CCNJL: variants seen among roughly 807,000 people sequenced by gnomAD.
CCNJL encodes the protein cyclin J like.
CCNJL carries 33 observed loss-of-function variants against 33.4 expected under a neutral mutation model. The observed-to-expected ratio is 0.99, with a 90% CI of 0.75 to 1.32. The LOEUF is 1.32. Ranked by LOEUF, CCNJL falls within the 40% of genes most tolerant of loss-of-function variation. The probability of loss-of-function intolerance (pLI) is 0.00; values close to 1 mark genes in which losing one functional copy is unlikely to be tolerated. For synonymous variants in CCNJL, 227 were observed against 220.9 expected, an observed-to-expected ratio of 1.03 and a Z score of -0.24; for missense variants, 512 against 499.7, an observed-to-expected ratio of 1.02 and a Z score of -0.23.
intron 2 of CCNJL, among the ~76,000 whole-genome samples, chr5:160,289,705 C>A (rs11949221): frequency 0.14 from 21,939 of 152,100 alleles, 3,079 homozygotes; most frequent in African/African-American, 0.36. Flanking sequence ...AAAGCCCCAA[C>A]CTAAGCTACA....
At chr5:160,272,996 A>G (rs114236496) in intron 3 of CCNJL, among the ~76,000 whole-genome samples, 3,208 of 152,364 alleles carry the variant, frequency 0.021, 107 homozygotes, top group African/African-American at 0.073. Context: ...TTTGCAGTCA[A>G]TAAAAAGAGT....
chr5:160,264,276 T>C (rs1439395565), intron 3 of CCNJL, among the ~76,000 whole-genome samples: 1 of 152,146 alleles, frequency 6.6e-6, no homozygotes, highest in African/African-American at 2.4e-5. Flanking sequence ...AGTGAAGCAC[T>C]TCTCTGGCTC....
At chr5:160,336,807 T>G (rs761119847) in intron 1 of CCNJL, among the ~76,000 whole-genome samples, 1 of 152,146 alleles carries the variant, frequency 6.6e-6, no homozygotes, top group African/African-American at 2.4e-5. Flanking sequence ...TTTATGTCAG[T>G]GTTGACCCTT....
intron 1 of CCNJL, among the ~76,000 whole-genome samples, chr5:160,334,411 T>C (rs978589541): frequency 2.0e-5 from 3 of 152,392 alleles, no homozygotes; most frequent in East Asian, 1.9e-4. Context: ...TCCATGCCGA[T>C]GGCCTCACTT....
At chr5:160,309,593 C>A (rs1191608836) in intron 2 of CCNJL, among the ~76,000 whole-genome samples, 1 of 152,198 alleles carries the variant, frequency 6.6e-6, no homozygotes, top group Non-Finnish European at 1.5e-5. Context: ...AAACAAAATG[C>A]CAGCCCTCAT....
intron 1 of CCNJL, among the ~76,000 whole-genome samples, chr5:160,319,669 G>A (rs1199768952): frequency 6.6e-6 from 1 of 152,178 alleles, no homozygotes; most frequent in Non-Finnish European, 1.5e-5. Flanking sequence ...AGTGACTCAA[G>A]TCTGGAATCC....
rs115620770 is a variant in CCNJL, at chr5:160,268,878, G to A, written c.281-9107C>T. 9.8e-3 allele frequency among the ~76,000 whole-genome samples: 1,489 copies of A among 152,276 alleles called. 26 individuals carry two copies. Among genetic ancestry groups the A allele is most frequent in the African/African-American group, 0.033 (1,382 of 41,536 alleles). Reference sequence around the variant, plus strand: ...TGGCTGAGCTTCCTTTCTCCCTCAGGAAATCAAGAAAAAGCTCTCTTCTTC... The same window carrying A: ...TGGCTGAGCTTCCTTTCTCCCTCAGAAAATCAAGAAAAAGCTCTCTTCTTC... On this transcript the variant is annotated intron_variant, in intron 3 of 5. Transcript: ENST00000257536.
At chr5:160,256,166 G>A (rs973474437) in intron 4 of CCNJL, among the ~76,000 whole-genome samples, 1 of 152,178 alleles carries the variant, frequency 6.6e-6, no homozygotes, top group Non-Finnish European at 1.5e-5. Flanking sequence ...TGGGATTACA[G>A]GTGTGAGCCA....
At position 160,280,726 on chromosome 5, in the gene CCNJL, G is replaced by T; in HGVS notation, c.79C>A (p.Pro27Thr). 1 of 1,604,372 alleles carries T rather than the reference G, an allele frequency of 6.2e-7. No individual in the cohort carries two copies. Among genetic ancestry groups the T allele is most frequent in the Non-Finnish European group, 8.5e-7 (1 of 1,175,630 alleles). Residue 27 changes from proline to threonine, a missense_variant, in exon 3 of 6, where the codon CCC (proline) becomes ACC (threonine). Coordinates refer to ENST00000257536, the MANE Select transcript of CCNJL (RefSeq NM_001308173.3). Reference sequence around the variant, plus strand: ...AGTGGGGAGTGGGCTCGGAAGGTGGGCAGCTTCAGTTCCTGGAGGACAGGC... The same window carrying T: ...AGTGGGGAGTGGGCTCGGAAGGTGGTCAGCTTCAGTTCCTGGAGGACAGGC... ...CTLREKELKL[P>T]TFRAHSPLLK... is the part of the protein sequence containing the mutation.
intron 2 of CCNJL, among the ~76,000 whole-genome samples, chr5:160,302,586 C>T (rs767063124): frequency 4.3e-4 from 65 of 152,104 alleles, no homozygotes; most frequent in Admixed American, 2.6e-3. Context: ...CTGAGATGGG[C>T]GGATCACTTG....
chr5:160,280,750 G>A lies in CCNJL; in HGVS notation c.67-12C>T. Reference sequence around the variant, plus strand: ...GGCAGCTTCAGTTCCTGGAGGACAGGCGGGGCGGAGGGGTGACGGTCAGGG... The same window carrying A: ...GGCAGCTTCAGTTCCTGGAGGACAGACGGGGCGGAGGGGTGACGGTCAGGG... On this transcript the variant is annotated splice_polypyrimidine_tract_variant and intron_variant, in intron 2 of 5. Coordinates refer to ENST00000257536, the MANE Select transcript of CCNJL (RefSeq NM_001308173.3). 1 of 1,569,150 alleles carries A rather than the reference G, an allele frequency of 6.4e-7. No individual in the cohort carries two copies. The highest frequency in any genetic ancestry group is 8.7e-7 in the Non-Finnish European group (1 of 1,153,102).
intron 3 of CCNJL, among the ~76,000 whole-genome samples, chr5:160,278,809 C>T (rs2113343404): frequency 6.6e-6 from 1 of 152,356 alleles, no homozygotes; most frequent in Non-Finnish European, 1.5e-5. Flanking sequence ...GGCCGTGGCG[C>T]AAATTTCTCC....
At chr5:160,295,716 C>T (rs766142776) in intron 2 of CCNJL, among the ~76,000 whole-genome samples, 39 of 152,088 alleles carry the variant, frequency 2.6e-4, no homozygotes, top group Non-Finnish European at 4.9e-4. Context: ...AGGAAGACCA[C>T]GGATAAAATG....
chr5:160,259,335 A>T, intron 4 of CCNJL, 134 bp downstream of exon 4: 1 of 730,242 alleles, frequency 1.4e-6, no homozygotes, highest in Non-Finnish European at 2.2e-6. Flanking sequence ...CTGCAAAGTT[A>T]AGAGTGATCT....
At chr5:160,295,889 C>G (rs1485863342) in intron 2 of CCNJL, among the ~76,000 whole-genome samples, 3 of 152,144 alleles carry the variant, frequency 2.0e-5, no homozygotes, top group African/African-American at 4.8e-5. Context: ...GCCCTAGGGA[C>G]CTAATACACC....
At chr5:160,258,783 G>A (rs1428127469) in intron 4 of CCNJL, among the ~76,000 whole-genome samples, 1 of 152,144 alleles carries the variant, frequency 6.6e-6, no homozygotes, top group Non-Finnish European at 1.5e-5. Flanking sequence ...TGCAATCTCC[G>A]CCACCTGAGT....
At chr5:160,299,125 T>G (rs1762844532) in intron 2 of CCNJL, among the ~76,000 whole-genome samples, 1 of 151,956 alleles carries the variant, frequency 6.6e-6, no homozygotes, top group South Asian at 2.1e-4. Context: ...ATTACAGGTG[T>G]GTGTCACCAT....
rs368571956 is a variant in CCNJL, at chr5:160,253,684, C to T, written c.858G>A (p.Pro286=). ...TQVLFQPPAY[P]ALGQPATTLA... ...GGGTGGTCGCTGGCTGGCCGAGGGC[C>T]GGGTAGGCTGGTGGCTGGAACAGCA... The change falls in exon 6 of 6, where the codon CCG becomes CCA. Residue 286 remains proline (P), a synonymous_variant. Transcript: ENST00000257536. 7.5e-6 allele frequency: 12 copies of T among 1,605,832 alleles called. No homozygotes were observed. Among genetic ancestry groups the T allele is most frequent in the Admixed American group, 1.7e-5 (1 of 59,590 alleles).
At chr5:160,330,336 C>T (rs1279198101) in intron 1 of CCNJL, among the ~76,000 whole-genome samples, 5 of 152,124 alleles carry the variant, frequency 3.3e-5, no homozygotes, top group Non-Finnish European at 5.9e-5. Context: ...TCTCAAAATT[C>T]CCCAGGTGTT....
Sources: allele counts gnomAD v4.1 joint callset (sites outside exome capture counted in the v4.1 genomes callset), GRCh38; gene constraint gnomAD v4.1.1; transcripts MANE v1.5; gene names NCBI Gene and HGNC (gene_info 2026-07-23, HGNC 2026-07-21).